Variants in S100A11 observed in about 807,000 individuals in gnomAD.
The protein encoded by S100A11 is protein S100-A11.
In S100A11, 5 loss-of-function variants were observed where a neutral mutation model predicts 7.4. The ratio of observed to expected loss-of-function variants is 0.68; its 90% CI spans 0.35 to 1.42. The LOEUF (loss-of-function observed/expected upper bound fraction) is 1.42, where lower values mean the gene tolerates loss of function less well. Ranked by LOEUF, S100A11 falls within the 40% of genes most tolerant of loss-of-function variation. S100A11 has a pLI of 0.04. For synonymous variants in S100A11, 47 were observed against 46.6 expected (o/e 1.01, Z -0.04); for missense variants, 96 against 125.0 (o/e 0.77, Z 1.11).
Position 152,036,995 on chromosome 1 carries a change from G to GCCTCTCCTCAACCGAC in S100A11, c.-81_-80insGTCGGTTGAGGAGAGG. On this transcript the variant is annotated 5_prime_UTR_variant, in exon 1 of 3. Coordinates refer to ENST00000271638, the MANE Select transcript of S100A11 (RefSeq NM_005620.2). ...TGTGCGCGCGGCGTGCGGGTCTGGA[G>GCCTCTCCTCAACCGAC]CCTCTCCTCAACCCACGCCCTTCCC... The GCCTCTCCTCAACCGAC allele has an allele frequency of 6.2e-7, 1 of 1,604,306 alleles. No individual in the cohort carries two copies. Among genetic ancestry groups the GCCTCTCCTCAACCGAC allele is most frequent in the Non-Finnish European group, 8.5e-7 (1 of 1,175,414 alleles).
rs772935110 is a variant in S100A11, at chr1:152,032,827, CA to C, written c.157-5del. 5 of 1,601,264 alleles carry C rather than the reference CA, an allele frequency of 3.1e-6. No homozygotes were observed. Among genetic ancestry groups the C allele is most frequent in the Non-Finnish European group, 4.3e-6 (5 of 1,171,308 alleles). ...GGACACCAGGGTCCTTCTGGTTCTG[CA>C]GAGAAAATAATAATTACACCTTTAT... is the stretch of plus-strand genomic sequence containing the variant. On this transcript the variant is annotated splice_polypyrimidine_tract_variant and splice_region_variant and intron_variant, in intron 2 of 2. Coordinates refer to ENST00000271638, the MANE Select transcript of S100A11 (RefSeq NM_005620.2).
Position 152,033,499 on chromosome 1 carries a change from T to A in S100A11, c.156+149A>T. ...ATACCATTTCATATATCTCTCTTCCTAAATGGAAAAACTCCTGGCTTAGAG... is the reference window on the plus strand; with the variant it reads ...ATACCATTTCATATATCTCTCTTCCAAAATGGAAAAACTCCTGGCTTAGAG... On this transcript the variant is annotated intron_variant, in intron 2 of 2. Transcript: ENST00000271638. The surrounding 1 kb of genome is among the most constrained non-coding windows in gnomAD (Gnocchi z 4.0). The A allele has an allele frequency of 1.4e-6, 1 of 717,966 alleles. No individual in the cohort carries two copies. 44.5% of individuals were successfully genotyped at this position (717,966 alleles called of 1,614,324 possible). A position where few individuals can be genotyped will look rare whatever the true frequency, so the allele number is the denominator to read the frequency against.
In S100A11 at chr1:152,033,765, G is replaced by A. The variant is rs1184180422; in HGVS notation, c.39C>T (p.Cys13=). ...KISSPTETER[C]IESLIAVFQK... ...GGAAGACAGCAATCAGGGACTCGAT[G>A]CACCGCTCAGTCTCTGTAGGGCTGG... is the stretch of plus-strand genomic sequence containing the variant. Residue 13 remains cysteine (C), a synonymous_variant, in exon 2 of 3, where the codon TGC becomes TGT. Transcript: ENST00000271638. This position sits in a 1 kb window ranked among gnomAD's most constrained non-coding sequence, Gnocchi z 4.0. 6 of 1,613,862 alleles carry A rather than the reference G, an allele frequency of 3.7e-6. No individual in the cohort carries two copies. The highest frequency in any genetic ancestry group is 4.2e-6 in the Non-Finnish European group (5 of 1,179,888).
At position 152,034,830 on chromosome 1, in the gene S100A11, G is replaced by C. The variant is rs751071657; in HGVS notation, c.4-1030C>G. On this transcript the variant is annotated intron_variant, in intron 1 of 2. Transcript: ENST00000271638. The stretch of plus-strand genomic sequence containing the variant: ...GTTAACAATGATTTATGTTTGGATG[G>C]TGACATTTGCAACTTAGCATTTAGC... Among the ~76,000 whole-genome samples the C allele has an allele frequency of 8.5e-5, 13 of 152,326 alleles. No individual in the cohort carries two copies. The East Asian group carries it at 1.3e-3, about 16-fold the overall frequency.
rs1656760182 is a variant in S100A11, at chr1:152,032,586, T to TG, written c.*75dup. On this transcript the variant is annotated 3_prime_UTR_variant, in exon 3 of 3. Transcript: ENST00000271638. ...TGAGGTGGTTAGTGTGCTCAGGGGA[T>TG]GGGTGGGCTGTGGAGATGATGACAG... 1 of 1,371,848 alleles carries TG rather than the reference T, an allele frequency of 7.3e-7. No individual in the cohort carries two copies. Among genetic ancestry groups the TG allele is most frequent in the Admixed American group, 1.9e-5 (1 of 53,976 alleles). The allele number at this position is 1,371,848 out of a possible 1,614,324, so 85.0% of individuals were successfully genotyped here. A position where few individuals can be genotyped will look rare whatever the true frequency, so the allele number is the denominator to read the frequency against.
Position 152,033,652 on chromosome 1 carries a change from G to A in S100A11, c.152C>T (p.Thr51Ile). The part of the protein sequence containing the change: ...SFMNTELAAF[T>I]KNQKDPGVLD... ...GGGGGAGACAGGGACCAGTACCTTT[G>A]TGAAGGCAGCTAGTTCTGTATTCAT... The change falls in exon 2 of 3, where the codon ACA becomes ATA. Residue 51 changes from threonine (T) to isoleucine (I), a missense_variant. By Grantham distance (89) the Thr-to-Ile change is moderately conservative. Coordinates refer to ENST00000271638, the MANE Select transcript of S100A11 (RefSeq NM_005620.2). This position sits in a 1 kb window ranked among gnomAD's most constrained non-coding sequence, Gnocchi z 4.0. 1 of 1,613,164 alleles carries A rather than the reference G, an allele frequency of 6.2e-7. No homozygotes were observed. Among genetic ancestry groups the A allele is most frequent in the Middle Eastern group, 1.8e-4 (1 of 5,550 alleles).
chr1:152,033,503 T>C lies in S100A11; in HGVS notation c.156+145A>G. The C allele has an allele frequency of 1.4e-6, 1 of 728,186 alleles. No homozygotes were observed. Among genetic ancestry groups the C allele is most frequent in the Non-Finnish European group, 2.4e-6 (1 of 421,102 alleles). The allele number at this position is 728,186 out of a possible 1,614,324, so 45.1% of individuals were successfully genotyped here. On this transcript the variant is annotated intron_variant, in intron 2 of 2. Coordinates refer to ENST00000271638, the MANE Select transcript of S100A11 (RefSeq NM_005620.2). This position sits in a 1 kb window ranked among gnomAD's most constrained non-coding sequence, Gnocchi z 4.0. ...CATTTCATATATCTCTCTTCCTAAATGGAAAAACTCCTGGCTTAGAGTGAG... is the reference window on the plus strand; with the variant it reads ...CATTTCATATATCTCTCTTCCTAAACGGAAAAACTCCTGGCTTAGAGTGAG...
chr1:152,035,891 C>A (rs1437630736), intron 1 of S100A11, among the ~76,000 whole-genome samples: 1 of 152,194 alleles, frequency 6.6e-6, no homozygotes, highest in Non-Finnish European at 1.5e-5. Flanking sequence ...ATTTTAAAAA[C>A]CTCAACTATT....
chr1:152,033,383 T>TG lies in S100A11; in HGVS notation c.156+264_156+265insC, dbSNP rs1656775979. Among the ~76,000 whole-genome samples the TG allele has an allele frequency of 6.6e-6, 1 of 152,260 alleles. No individual in the cohort carries two copies. The highest frequency in any genetic ancestry group is 1.5e-5 in the Non-Finnish European group (1 of 68,044). ...TGGATAGAGCAGATATAGAATGTAT[T>TG]TCCACCACTGCAGAAAGTTCTACTG... On this transcript the variant is annotated intron_variant, in intron 2 of 2. Transcript: ENST00000271638. This position sits in a 1 kb window ranked among gnomAD's most constrained non-coding sequence, Gnocchi z 4.0.
intron 1 of S100A11, among the ~76,000 whole-genome samples, chr1:152,035,442 T>C (rs969917974): frequency 6.6e-6 from 1 of 152,340 alleles, no homozygotes; most frequent in South Asian, 2.1e-4. Flanking sequence ...CATTTTTCTC[T>C]CCTTAACATC....
Position 152,032,797 on chromosome 1 carries a change from G to A in S100A11, c.183C>T (p.Asp61=), listed in dbSNP as rs200330728. The A allele has an allele frequency of 9.1e-5, 146 of 1,613,186 alleles. 1 individual carries two copies. Among genetic ancestry groups the A allele is most frequent in the Admixed American group, 5.7e-4 (34 of 60,006 alleles). ...TGGTGTCCAGTTTCTTCATCATGCG[G>A]TCAAGGACACCAGGGTCCTTCTGGT... is the stretch of plus-strand genomic sequence containing the variant. ...TKNQKDPGVL[D]RMMKKLDTNS... Residue 61 remains aspartate (D), a synonymous_variant, in exon 3 of 3, where the codon GAC becomes GAT. Transcript: ENST00000271638.
chr1:152,036,272 A>AC (rs1299727257), intron 1 of S100A11, among the ~76,000 whole-genome samples: 1 of 152,164 alleles, frequency 6.6e-6, no homozygotes, highest in Non-Finnish European at 1.5e-5. Context: ...AAAATAAGTT[A>AC]CGGAGTGAGT....
rs146236793 is a variant in S100A11 at position 152,033,989 on chromosome 1, G to A, written c.4-189C>T. On this transcript the variant is annotated intron_variant, in intron 1 of 2. Coordinates refer to ENST00000271638, the MANE Select transcript of S100A11 (RefSeq NM_005620.2). This position sits in a 1 kb window ranked among gnomAD's most constrained non-coding sequence, Gnocchi z 4.0. ...TCTGTGACCTTCCGTCCTACCCCTCGCCACATGTTTATTCCAGGTGAAATA... is the reference window on the plus strand; with the variant it reads ...TCTGTGACCTTCCGTCCTACCCCTCACCACATGTTTATTCCAGGTGAAATA... 2.3e-3 allele frequency among the ~76,000 whole-genome samples: 354 copies of A among 152,244 alleles called. No homozygotes were observed. The highest frequency in any genetic ancestry group is 0.014 in the Middle Eastern group (4 of 294).
rs1266327637 is a variant in S100A11 at position 152,032,724 on chromosome 1, C to A, written c.256G>T (p.Gly86Cys). 6.2e-7 allele frequency: 1 copy of A among 1,613,934 alleles called. No individual in the cohort carries two copies. The highest frequency in any genetic ancestry group is 2.2e-5 in the East Asian group (1 of 44,898). ...DFSEFLNLIGGLAMACHDSFL... is the reference protein window; with the variant it reads ...DFSEFLNLIGCLAMACHDSFL... ...GAGTCATGGCAAGCCATAGCTAGGC[C>A]ACCAATCAGATTAAGAAATTCTGAG... The change falls in exon 3 of 3, where the codon GGC (glycine) becomes TGC (cysteine). Residue 86 changes from glycine (G) to cysteine (C), a missense_variant. By Grantham distance (159) the Gly-to-Cys change is radical. Transcript: ENST00000271638.
rs1656770789 is a variant in S100A11 at position 152,033,063 on chromosome 1, C to A, written c.157-240G>T. ...AGGGCTCTTTCTATGATATTAGGGG[C>A]TATTCAGTTTTGTAAAGCCAGTGGA... On this transcript the variant is annotated intron_variant, in intron 2 of 2. Coordinates refer to ENST00000271638, the MANE Select transcript of S100A11 (RefSeq NM_005620.2). This position sits in a 1 kb window ranked among gnomAD's most constrained non-coding sequence, Gnocchi z 4.0. Among the ~76,000 whole-genome samples, 1 of 152,152 alleles carries A rather than the reference C, an allele frequency of 6.6e-6. No homozygotes were observed. The highest frequency in any genetic ancestry group is 2.4e-5 in the African/African-American group (1 of 41,414).
Position 152,033,764 on chromosome 1 carries a change from T to C in S100A11, c.40A>G (p.Ile14Val). Residue 14 changes from isoleucine to valine, a missense_variant, in exon 2 of 3, where the codon ATC becomes GTC. Ile to Val is a conservative substitution (Grantham distance 29). Transcript: ENST00000271638. The surrounding 1 kb of genome is among the most constrained non-coding windows in gnomAD (Gnocchi z 4.0). ...TGGAAGACAGCAATCAGGGACTCGA[T>C]GCACCGCTCAGTCTCTGTAGGGCTG... is the stretch of plus-strand genomic sequence containing the variant. ...ISSPTETERC[I>V]ESLIAVFQKY... 1 of 1,613,954 alleles carries C rather than the reference T, an allele frequency of 6.2e-7. No homozygotes were observed. Among genetic ancestry groups the C allele is most frequent in the Middle Eastern group, 1.7e-4 (1 of 6,060 alleles).
At position 152,033,705 on chromosome 1, in the gene S100A11, A is replaced by T. The variant is rs567625034; in HGVS notation, c.99T>A (p.Thr33=). The T allele has an allele frequency of 1.2e-6, 2 of 1,613,612 alleles. No individual in the cohort carries two copies. The highest frequency in any genetic ancestry group is 3.3e-5 in the Admixed American group (2 of 60,000). ...AGCTTAGGAACTCTGTCTTGGAGAG[A>T]GTGTAGTTATAACCATCCTTTCCAG... The part of the protein sequence containing the change: ...KYAGKDGYNY[T]LSKTEFLSFM... The change falls in exon 2 of 3, where the codon ACT becomes ACA. Residue 33 remains threonine, a synonymous_variant. Transcript: ENST00000271638. This position sits in a 1 kb window ranked among gnomAD's most constrained non-coding sequence, Gnocchi z 4.0.
chr1:152,033,411 C>T lies in S100A11; in HGVS notation c.156+237G>A, dbSNP rs1307790008. 6.6e-6 allele frequency among the ~76,000 whole-genome samples: 1 copy of T among 152,198 alleles called. No individual in the cohort carries two copies. The highest frequency in any genetic ancestry group is 1.5e-5 in the Non-Finnish European group (1 of 68,040). ...CACCACTGCAGAAAGTTCTACTGGA[C>T]AGGGCTGCCATAGAACCTCTGGGGT... On this transcript the variant is annotated intron_variant, in intron 2 of 2. Transcript: ENST00000271638. The surrounding 1 kb of genome is among the most constrained non-coding windows in gnomAD (Gnocchi z 4.0).
Position 152,033,499 on chromosome 1 carries a change from T to C in S100A11, c.156+149A>G. The C allele has an allele frequency of 1.4e-6, 1 of 717,966 alleles. No homozygotes were observed. The highest frequency in any genetic ancestry group is 4.1e-4 in the Middle Eastern group (1 of 2,418). 44.5% of individuals were successfully genotyped at this position (717,966 alleles called of 1,614,324 possible). On this transcript the variant is annotated intron_variant, in intron 2 of 2. Coordinates refer to ENST00000271638, the MANE Select transcript of S100A11 (RefSeq NM_005620.2). This position sits in a 1 kb window ranked among gnomAD's most constrained non-coding sequence, Gnocchi z 4.0. ...ATACCATTTCATATATCTCTCTTCC[T>C]AAATGGAAAAACTCCTGGCTTAGAG...
Sources: allele counts gnomAD v4.1 joint callset (sites outside exome capture counted in the v4.1 genomes callset), GRCh38; gene constraint gnomAD v4.1.1; non-coding constraint Gnocchi (gnomAD v3.1); transcripts MANE v1.5; gene names NCBI Gene and HGNC (gene_info 2026-07-23, HGNC 2026-07-21).